Variants in SETD2 observed in about 807,000 individuals in gnomAD.
SETD2 encodes the protein SET domain containing 2, histone lysine methyltransferase, also known as histone-lysine N-methyltransferase SETD2.
A neutral mutation model predicts 242.1 loss-of-function variants in SETD2; 31 were observed. That is an observed-to-expected ratio of 0.13 (90% CI 0.10 to 0.17). SETD2 has a LOEUF of 0.17. Ranked by LOEUF, SETD2 falls within the 10% of genes least tolerant of loss-of-function variation. SETD2 has a pLI of 1.00. For missense variants in SETD2, 2,481 were observed against 3,046.3 expected, an observed-to-expected ratio of 0.81 and a Z score of 4.37; for synonymous variants, 1,006 against 1,066.5, an observed-to-expected ratio of 0.94 and a Z score of 1.11.
rs59408277 is a variant in SETD2 at position 47,044,344 on chromosome 3, CAAAAAAAAAAAAAAAAAAAAAAAAA to C, written c.7099-1669_7099-1645del. 2.3e-3 allele frequency among the ~76,000 whole-genome samples: 78 copies of C among 33,950 alleles called. 2 individuals are homozygous for C. The East Asian group carries it at 0.025, about 11-fold the overall frequency. The allele number at this position is 33,950 out of a possible 152,430, so 22.3% of individuals were successfully genotyped here. A position where few individuals can be genotyped will look rare whatever the true frequency, so the allele number is the denominator to read the frequency against. On this transcript the variant is annotated intron_variant, in intron 16 of 20. Transcript: ENST00000409792. Reference sequence around the variant, plus strand: ...TGGGCAACAAAGCAAGACTTCATCTCAAAAAAAAAAAAAAAAAAAAAAAAAAAAAAAAAAAAAAAAAAGGCCTAGA... The same window carrying C: ...TGGGCAACAAAGCAAGACTTCATCTCAAAAAAAAAAAAAAAAAGGCCTAGA...
chr3:47,155,721 G>A (rs1199548125), intron 1 of SETD2, among the ~76,000 whole-genome samples: 2 of 152,144 alleles, frequency 1.3e-5, no homozygotes, highest in African/African-American at 4.8e-5. Context: ...TGGGAGGATC[G>A]CTTGAGCCTC....
At chr3:47,051,373 T>C (rs1359882242) in intron 15 of SETD2, among the ~76,000 whole-genome samples, 1 of 152,088 alleles carries the variant, frequency 6.6e-6, no homozygotes, top group Non-Finnish European at 1.5e-5. Flanking sequence ...CCAAAGTGCT[T>C]AGATTACAGG....
intron 14 of SETD2, among the ~76,000 whole-genome samples, chr3:47,058,561 C>T (rs2040188498): frequency 6.9e-6 from 1 of 145,982 alleles, no homozygotes; most frequent in African/African-American, 2.6e-5. Context: ...AACTATGGTA[C>T]ATGAATACAA....
rs1196966318 is a variant in SETD2, at chr3:47,056,092, ATTTTTATTTAT to A, written c.6963+718_6963+728del. On this transcript the variant is annotated intron_variant, in intron 15 of 20. Transcript: ENST00000409792. ...AAAAAAAAAAAGAAAAGAAAACATG[ATTTTTATTTAT>A]TTATTTATTTATTTATTTATTTATT... Among the ~76,000 whole-genome samples, 43 of 112,994 alleles carry A rather than the reference ATTTTTATTTAT, an allele frequency of 3.8e-4. No homozygotes were observed. The East Asian group carries it at 5.7e-3, about 15-fold the overall frequency. 74.1% of individuals were successfully genotyped at this position (112,994 alleles called of 152,430 possible).
chr3:47,147,293 G>A (rs980934270), intron 1 of SETD2, among the ~76,000 whole-genome samples: 2 of 149,150 alleles, frequency 1.3e-5, no homozygotes, highest in African/African-American at 2.5e-5. Context: ...GATTACAGGC[G>A]TGAGCCACCA....
chr3:47,106,859 T>C (rs1163261746), intron 5 of SETD2, among the ~76,000 whole-genome samples: 4 of 151,532 alleles, frequency 2.6e-5, no homozygotes, highest in African/African-American at 7.3e-5. Flanking sequence ...AACTTAAATA[T>C]AGCAGCCCTT....
At chr3:47,110,966 G>T (rs549137973) in intron 5 of SETD2, among the ~76,000 whole-genome samples, 1 of 150,022 alleles carries the variant, frequency 6.7e-6, no homozygotes, top group Admixed American at 6.8e-5. Context: ...ACAGAATTTA[G>T]ATCAGGTTTG....
chr3:47,076,256 G>A (rs943470679), intron 12 of SETD2, among the ~76,000 whole-genome samples: 5 of 152,230 alleles, frequency 3.3e-5, no homozygotes, highest in Non-Finnish European at 7.3e-5. Flanking sequence ...ATTAGCAGCA[G>A]AGGTCTACTG....
In SETD2 at chr3:47,116,646, A is replaced by T. The variant is rs2107728036; in HGVS notation, c.4563T>A (p.Leu1521=). 6.2e-7 allele frequency: 1 copy of T among 1,612,954 alleles called. No individual in the cohort carries two copies. The highest frequency in any genetic ancestry group is 8.5e-7 in the Non-Finnish European group (1 of 1,179,444). ...QGEIACGEDC[L]NRLLMIECSS... The stretch of plus-strand genomic sequence containing the variant: ...ACCATTCAATCATGAGAAGACGATT[A>T]AGACAATCTTCCCCACATGCTATTT... The change falls in exon 4 of 21, where the codon CTT becomes CTA. Residue 1521 remains leucine, a synonymous_variant. Transcript: ENST00000409792.
chr3:47,129,303 T>C (rs1156266339), intron 1 of SETD2, among the ~76,000 whole-genome samples: 1 of 152,230 alleles, frequency 6.6e-6, no homozygotes, highest in Admixed American at 6.5e-5. Flanking sequence ...AAGCATTTAG[T>C]GTTAATAGAT....
intron 15 of SETD2, among the ~76,000 whole-genome samples, chr3:47,055,778 C>T (rs1029724034): frequency 6.6e-6 from 1 of 151,526 alleles, no homozygotes; most frequent in Admixed American, 6.6e-5. Context: ...TTTGGGAGGC[C>T]GAGGTGGGTG....
Position 47,118,479 on chromosome 3 carries a change from T to C in SETD2, c.4454+1703A>G, listed in dbSNP as rs982510553. ...GCTCACGCCTGTAATCCCAGTACTT[T>C]GGGAGGCTGAGACGGGCGGATCACC... is the stretch of plus-strand genomic sequence containing the variant. On this transcript the variant is annotated intron_variant, in intron 3 of 20. Coordinates refer to ENST00000409792, the MANE Select transcript of SETD2 (RefSeq NM_014159.7). Among the ~76,000 whole-genome samples, 5 of 152,102 alleles carry C rather than the reference T, an allele frequency of 3.3e-5. No homozygotes were observed. In the South Asian group the frequency reaches 8.3e-4, roughly 25 times the overall value.
chr3:47,069,056 G>A (rs2040699043), intron 12 of SETD2, among the ~76,000 whole-genome samples: 4 of 152,146 alleles, frequency 2.6e-5, no homozygotes, highest in African/African-American at 9.7e-5. Context: ...GCCTCCCAAA[G>A]TTCTGGGATT....
In SETD2 at chr3:47,122,706, C is replaced by A. The variant is rs2106685367; in HGVS notation, c.1930G>T (p.Asp644Tyr). The part of the protein sequence containing the change: ...PIFKSEFITH[D>Y]SHDSIKELDS... ...AATTCCTTAATACTATCATGGCTATCATGTGTTATAAATTCGGACTTAAAA... is the reference window on the plus strand; with the variant it reads ...AATTCCTTAATACTATCATGGCTATAATGTGTTATAAATTCGGACTTAAAA... The change falls in exon 3 of 21, where the codon GAT becomes TAT. Residue 644 changes from aspartate (D) to tyrosine (Y), a missense_variant. Coordinates refer to ENST00000409792, the MANE Select transcript of SETD2 (RefSeq NM_014159.7). 6.2e-7 allele frequency: 1 copy of A among 1,611,964 alleles called. No individual in the cohort carries two copies. Among genetic ancestry groups the A allele is most frequent in the Non-Finnish European group, 8.5e-7 (1 of 1,179,276 alleles).
In SETD2 at chr3:47,111,184, T is replaced by C. The variant is rs1018391616; in HGVS notation, c.4715+2692A>G. 2.7e-5 allele frequency among the ~76,000 whole-genome samples: 4 copies of C among 148,066 alleles called. No individual in the cohort carries two copies. In the East Asian group the frequency reaches 8.0e-4, roughly 30 times the overall value. On this transcript the variant is annotated intron_variant, in intron 5 of 20. Transcript: ENST00000409792. ...TGAAAATGTGCGTCTGGACTAGAAC[T>C]AGTGATTTTGGAAATTCAATGGGCT...
chr3:47,078,729 T>G (rs1310590330), intron 12 of SETD2, among the ~76,000 whole-genome samples: 4 of 147,882 alleles, frequency 2.7e-5, no homozygotes, highest in Admixed American at 6.6e-5. Context: ...TAGTTGTTGT[T>G]GTTTTGTTTT....
intron 9 of SETD2, among the ~76,000 whole-genome samples, chr3:47,096,659 G>A (rs2042019507): frequency 6.6e-6 from 1 of 151,824 alleles, no homozygotes; most frequent in South Asian, 2.1e-4. Context: ...AAGGTGAGAG[G>A]ATCACTTGAG....
chr3:47,140,696 A>G (rs905368186), intron 1 of SETD2, among the ~76,000 whole-genome samples: 7 of 152,136 alleles, frequency 4.6e-5, no homozygotes, highest in South Asian at 2.1e-4. Flanking sequence ...TCCTGTCTCT[A>G]CTAAAAATAC....
In SETD2 at chr3:47,122,242, G is replaced by A. The variant is rs115016437; in HGVS notation, c.2394C>T (p.Asn798=). ...TKDSDIYCTL[N]DSNPSLCNSE... ...AGTTACACAAAGAAGGGTTGCTATC[G>A]TTCAAAGTACAGTATATGTCTGAAT... The change falls in exon 3 of 21, where the codon AAC becomes AAT. Residue 798 remains asparagine, a synonymous_variant. Coordinates refer to ENST00000409792, the MANE Select transcript of SETD2 (RefSeq NM_014159.7). 1.8e-4 allele frequency: 293 copies of A among 1,613,936 alleles called. No individual in the cohort carries two copies. The highest frequency in any genetic ancestry group is 2.3e-4 in the Non-Finnish European group (266 of 1,179,976).
Sources: allele counts gnomAD v4.1 joint callset (sites outside exome capture counted in the v4.1 genomes callset), GRCh38; gene constraint gnomAD v4.1.1; transcripts MANE v1.5; gene names NCBI Gene and HGNC (gene_info 2026-07-23, HGNC 2026-07-21).